AUTS2: variants seen among roughly 807,000 people sequenced by gnomAD.
AUTS2 encodes autism susceptibility gene 2 protein.
Under a neutral mutation model 112.4 loss-of-function variants are expected in AUTS2, and 17 were observed. That is an observed-to-expected ratio of 0.15 (90% confidence interval 0.10 to 0.23). The LOEUF (loss-of-function observed/expected upper bound fraction) is 0.23, where lower values mean the gene tolerates loss of function less well. AUTS2 is among the 10% of genes least tolerant of loss of function. The pLI, the probability that AUTS2 is intolerant of heterozygous loss-of-function variation, is 1.00. For synonymous variants in AUTS2, 751 were observed against 702.7 expected (o/e 1.07, Z -1.09); for missense variants, 1,510 against 1,701.6 (o/e 0.89, Z 1.98).
chr7:70,104,389 G>C (rs1473427900), intron 2 of AUTS2, among the ~76,000 whole-genome samples: 1 of 152,062 alleles, frequency 6.6e-6, no homozygotes, highest in Non-Finnish European at 1.5e-5. Flanking sequence ...AGTACACATT[G>C]GCGAAATATC....
At chr7:70,049,953 A>G (rs939933556) in intron 2 of AUTS2, among the ~76,000 whole-genome samples, 1 of 152,204 alleles carries the variant, frequency 6.6e-6, no homozygotes, top group Non-Finnish European at 1.5e-5. Context: ...ATATGAAGAT[A>G]CATAGGAAGA....
rs185597967 is a variant in AUTS2, at chr7:70,051,471, G to A, written c.523-66661G>A. On this transcript the variant is annotated intron_variant, in intron 2 of 18. Transcript: ENST00000342771. ...TTGGCTCACACCTGTAATCCCTGCAGTTTGGGAGGCCGAGGCAGGTGGATC... is the reference window on the plus strand; with the variant it reads ...TTGGCTCACACCTGTAATCCCTGCAATTTGGGAGGCCGAGGCAGGTGGATC... Among the ~76,000 whole-genome samples, 1,315 of 152,226 alleles carry A rather than the reference G, an allele frequency of 8.6e-3. 11 individuals carry two copies. Among genetic ancestry groups the A allele is most frequent in the Middle Eastern group, 0.02 (6 of 294 alleles).
chr7:70,679,601 TA>T (rs5884794), intron 5 of AUTS2, among the ~76,000 whole-genome samples: 4,247 of 145,490 alleles, frequency 0.029, 124 homozygotes, highest in African/African-American at 0.071. Context: ...ACTTTCATGT[TA>T]AAAAAAAAAA....
At chr7:70,473,602 TA>T (rs1797471625) in intron 5 of AUTS2, among the ~76,000 whole-genome samples, 1 of 152,172 alleles carries the variant, frequency 6.6e-6, no homozygotes, top group Non-Finnish European at 1.5e-5. Context: ...ACTTGGTTCC[TA>T]AATGCCTTCC....
chr7:70,638,450 A>G (rs10263461), intron 5 of AUTS2, among the ~76,000 whole-genome samples: 3,810 of 152,250 alleles, frequency 0.025, 170 homozygotes, highest in African/African-American at 0.088. Context: ...CAGGGGGCCA[A>G]ACTTTGCCTC....
intron 1 of AUTS2, among the ~76,000 whole-genome samples, chr7:69,662,830 A>T (rs1203426525): frequency 6.6e-6 from 1 of 152,172 alleles, no homozygotes; most frequent in Non-Finnish European, 1.5e-5. Flanking sequence ...CCCAACCCTT[A>T]CATTTTATGA....
chr7:70,732,801 T>G (rs1787507674), intron 6 of AUTS2, among the ~76,000 whole-genome samples: 2 of 152,242 alleles, frequency 1.3e-5, no homozygotes, highest in African/African-American at 4.8e-5. Context: ...CAAAGTAAAT[T>G]GGTAATCGTA....
At chr7:69,657,395 C>T (rs1220723371) in intron 1 of AUTS2, among the ~76,000 whole-genome samples, 2 of 152,150 alleles carry the variant, frequency 1.3e-5, no homozygotes, top group Non-Finnish European at 1.5e-5. Context: ...TTTTTCCTAT[C>T]CCAGAGTACT....
At chr7:70,018,557 A>G (rs960508545) in intron 2 of AUTS2, among the ~76,000 whole-genome samples, 5 of 152,202 alleles carry the variant, frequency 3.3e-5, no homozygotes, top group Admixed American at 2.6e-4. Context: ...TCTCTATGAC[A>G]TTGACTGTTT....
chr7:70,207,538 A>T (rs1810631473), intron 4 of AUTS2, among the ~76,000 whole-genome samples: 1 of 152,232 alleles, frequency 6.6e-6, no homozygotes, highest in Non-Finnish European at 1.5e-5. Context: ...TTGAGGATTC[A>T]AATTCTTGCT....
chr7:70,374,563 G>A (rs1363204611), intron 4 of AUTS2, among the ~76,000 whole-genome samples: 1 of 152,146 alleles, frequency 6.6e-6, no homozygotes, highest in South Asian at 2.1e-4. Flanking sequence ...TCAAAGGGCA[G>A]GAAAATAAGT....
At chr7:70,502,932 A>T (rs1295006340) in intron 5 of AUTS2, among the ~76,000 whole-genome samples, 1 of 151,782 alleles carries the variant, frequency 6.6e-6, no homozygotes, top group East Asian at 1.9e-4. Context: ...TTTAGGGTAG[A>T]CTCCTCCCAC....
intron 5 of AUTS2, among the ~76,000 whole-genome samples, chr7:70,464,084 G>A (rs1000535934): frequency 1.3e-5 from 2 of 152,186 alleles, no homozygotes; most frequent in African/African-American, 4.8e-5. Context: ...TCTAGCAAAT[G>A]TTTGCCTCCT....
chr7:69,660,945 C>T (rs1240110477), intron 1 of AUTS2, among the ~76,000 whole-genome samples: 1 of 152,212 alleles, frequency 6.6e-6, no homozygotes, highest in Non-Finnish European at 1.5e-5. Context: ...ACTTTTTAAC[C>T]TTAGTTGCAC....
chr7:70,602,145 G>A lies in AUTS2; in HGVS notation c.691-96424G>A, dbSNP rs370911386. 6.3e-4 allele frequency among the ~76,000 whole-genome samples: 94 copies of A among 149,506 alleles called. 2 individuals are homozygous for A. The South Asian group carries it at 0.02, about 31-fold the overall frequency. ...ACACACCTTGAAAATGACATATTGG[G>A]GCAAAAGAATTTCAAAACAGCAAAA... On this transcript the variant is annotated intron_variant, in intron 5 of 18. Coordinates refer to ENST00000342771, the MANE Select transcript of AUTS2 (RefSeq NM_015570.4).
chr7:69,885,050 AG>A (rs1794213851), intron 1 of AUTS2, among the ~76,000 whole-genome samples: 1 of 152,170 alleles, frequency 6.6e-6, no homozygotes, highest in South Asian at 2.1e-4. Flanking sequence ...ATTGAGAGAG[AG>A]GGAAGGCAAG....
At chr7:69,984,979 A>G (rs1798445920) in intron 2 of AUTS2, among the ~76,000 whole-genome samples, 1 of 152,192 alleles carries the variant, frequency 6.6e-6, no homozygotes, top group Non-Finnish European at 1.5e-5. Flanking sequence ...TTTTGTTGAC[A>G]TTTTTAAGAA....
chr7:69,797,494 A>G (rs1022017114), intron 1 of AUTS2, among the ~76,000 whole-genome samples: 2 of 152,164 alleles, frequency 1.3e-5, no homozygotes. Flanking sequence ...GTCCTTTTAA[A>G]TTCACATTAA....
chr7:69,975,088 C>T (rs1432432260), intron 2 of AUTS2, among the ~76,000 whole-genome samples: 1 of 151,898 alleles, frequency 6.6e-6, no homozygotes, highest in Non-Finnish European at 1.5e-5. Context: ...CTGTTGCTTA[C>T]TGAGGAATGT....
Sources: allele counts gnomAD v4.1 joint callset (sites outside exome capture counted in the v4.1 genomes callset), GRCh38; gene constraint gnomAD v4.1.1; transcripts MANE v1.5; gene names NCBI Gene and HGNC (gene_info 2026-07-23, HGNC 2026-07-21).